ADGRB3: variants seen among roughly 807,000 people sequenced by gnomAD.
ADGRB3 encodes the protein adhesion G protein-coupled receptor B3.
A neutral mutation model predicts 193.4 loss-of-function variants in ADGRB3; 37 were observed. The observed-to-expected ratio is 0.19, with a 90% CI of 0.15 to 0.25. The LOEUF is 0.25. ADGRB3 is among the 10% of genes least tolerant of loss of function. The probability of loss-of-function intolerance (pLI) is 1.00; values close to 1 mark genes in which losing one functional copy is unlikely to be tolerated. For missense variants in ADGRB3, 1,637 were observed against 1,852.9 expected (o/e 0.88, Z 2.14); for synonymous variants, 690 against 644.2 (o/e 1.07, Z -1.08).
rs955335766 is a variant in ADGRB3, at chr6:68,834,809, G to A, written c.758-95750G>A. 9.9e-5 allele frequency among the ~76,000 whole-genome samples: 15 copies of A among 152,232 alleles called. 1 individual carries two copies. The highest frequency in any genetic ancestry group is 9.8e-4 in the Admixed American group (15 of 15,278). Reference sequence around the variant, plus strand: ...AGTACGAGGATCATGACTGAATTCAGCAGGACATGTGAATATACTGTTTAT... The same window carrying A: ...AGTACGAGGATCATGACTGAATTCAACAGGACATGTGAATATACTGTTTAT... On this transcript the variant is annotated intron_variant, in intron 3 of 31. Coordinates refer to ENST00000370598, the MANE Select transcript of ADGRB3 (RefSeq NM_001704.3).
chr6:69,111,173 A>T (rs1253098876), intron 17 of ADGRB3, among the ~76,000 whole-genome samples: 1 of 152,168 alleles, frequency 6.6e-6, no homozygotes. Context: ...TAGATTTTGG[A>T]TACAAAGCTT....
chr6:68,705,433 G>A (rs191812342), intron 3 of ADGRB3, among the ~76,000 whole-genome samples: 1 of 152,276 alleles, frequency 6.6e-6, no homozygotes, highest in East Asian at 1.9e-4. Context: ...GGTCTTGAAA[G>A]GGAGATAACG....
At chr6:69,088,739 A>C (rs1484169128) in intron 17 of ADGRB3, among the ~76,000 whole-genome samples, 1 of 152,226 alleles carries the variant, frequency 6.6e-6, no homozygotes, top group Admixed American at 6.5e-5. Flanking sequence ...GAGAGAAAAA[A>C]GTTTATTTTG....
chr6:68,827,046 G>A (rs572362598), intron 3 of ADGRB3, among the ~76,000 whole-genome samples: 44 of 152,222 alleles, frequency 2.9e-4, no homozygotes, highest in East Asian at 7.7e-4. Flanking sequence ...TATTTTAAGA[G>A]TTGACACCTG....
intron 3 of ADGRB3, among the ~76,000 whole-genome samples, chr6:68,700,505 T>C (rs867029543): frequency 4.6e-5 from 7 of 152,138 alleles, no homozygotes; most frequent in Middle Eastern, 3.2e-3. Flanking sequence ...CTCTAACTTC[T>C]GCCATTAAAA....
At chr6:69,326,794 G>A (rs1314154132) in intron 21 of ADGRB3, among the ~76,000 whole-genome samples, 1 of 151,638 alleles carries the variant, frequency 6.6e-6, no homozygotes, top group Non-Finnish European at 1.5e-5. Context: ...AGGAGAAGGA[G>A]GGACAAGAAG....
chr6:69,003,774 C>G (rs1769655009), intron 11 of ADGRB3, among the ~76,000 whole-genome samples: 3 of 152,070 alleles, frequency 2.0e-5, no homozygotes, highest in African/African-American at 7.2e-5. Context: ...GCTTCACAAC[C>G]CAACATGGTT....
At chr6:68,824,594 A>G (rs1270028442) in intron 3 of ADGRB3, among the ~76,000 whole-genome samples, 1 of 148,300 alleles carries the variant, frequency 6.7e-6, no homozygotes, top group Non-Finnish European at 1.5e-5. Flanking sequence ...ACATATGTAT[A>G]ATCATGCAAT....
chr6:69,149,610 G>A (rs1163725267), intron 17 of ADGRB3, among the ~76,000 whole-genome samples: 1 of 151,962 alleles, frequency 6.6e-6, no homozygotes, highest in African/African-American at 2.4e-5. Context: ...TGAATGTTTT[G>A]TCAGTGTCTG....
At chr6:68,735,171 A>T (rs184287226) in intron 3 of ADGRB3, among the ~76,000 whole-genome samples, 10 of 152,148 alleles carry the variant, frequency 6.6e-5, no homozygotes, top group African/African-American at 2.4e-4. Context: ...GGAGTCAATG[A>T]CATAAGCATG....
chr6:68,708,727 CT>C (rs1765364867), intron 3 of ADGRB3, among the ~76,000 whole-genome samples: 1 of 152,142 alleles, frequency 6.6e-6, no homozygotes, highest in Non-Finnish European at 1.5e-5. Flanking sequence ...AAATATCTTA[CT>C]GTTGATCCAT....
chr6:68,914,119 G>T (rs1357639083), intron 3 of ADGRB3, among the ~76,000 whole-genome samples: 1 of 151,896 alleles, frequency 6.6e-6, no homozygotes, highest in African/African-American at 2.4e-5. Flanking sequence ...AAAACACTCT[G>T]CAGGATATTA....
chr6:69,245,363 A>C (rs1018030691), intron 20 of ADGRB3, among the ~76,000 whole-genome samples: 1 of 152,144 alleles, frequency 6.6e-6, no homozygotes, highest in Non-Finnish European at 1.5e-5. Context: ...GCTCAGACAC[A>C]AGCATTGAAG....
chr6:68,861,913 C>T (rs1369992881), intron 3 of ADGRB3, among the ~76,000 whole-genome samples: 1 of 152,126 alleles, frequency 6.6e-6, no homozygotes, highest in Non-Finnish European at 1.5e-5. Flanking sequence ...GTGCTTAGAA[C>T]AGTGTCTGAC....
At chr6:69,126,086 T>C (rs1773841086) in intron 17 of ADGRB3, among the ~76,000 whole-genome samples, 1 of 152,200 alleles carries the variant, frequency 6.6e-6, no homozygotes, top group African/African-American at 2.4e-5. Flanking sequence ...TTTCTGAATA[T>C]GGACTAGTTA....
chr6:69,169,006 C>T (rs1418608621), intron 17 of ADGRB3, among the ~76,000 whole-genome samples: 1 of 151,590 alleles, frequency 6.6e-6, no homozygotes, highest in East Asian at 1.9e-4. Flanking sequence ...AGGGATTTAC[C>T]TTCACTTTCA....
chr6:68,737,085 A>C (rs1375353118), intron 3 of ADGRB3, among the ~76,000 whole-genome samples: 1 of 152,140 alleles, frequency 6.6e-6, no homozygotes, highest in African/African-American at 2.4e-5. Context: ...GGTCATTTTT[A>C]GTAATGTTCC....
In ADGRB3 at chr6:69,389,006, G is replaced by T; in HGVS notation, c.*115G>T. On this transcript the variant is annotated 3_prime_UTR_variant, in exon 32 of 32. Transcript: ENST00000370598. ...GACTATCTTATGTCAGGACCTTCAT[G>T]TGCCAAACGTCAGTGGTGTTTTCAT... The T allele has an allele frequency of 9.6e-7, 1 of 1,046,126 alleles. No homozygotes were observed. Among genetic ancestry groups the T allele is most frequent in the Non-Finnish European group, 1.4e-6 (1 of 738,462 alleles). 64.8% of individuals were successfully genotyped at this position (1,046,126 alleles called of 1,614,324 possible). A position where few individuals can be genotyped will look rare whatever the true frequency, so the allele number is the denominator to read the frequency against.
chr6:69,004,776 C>T (rs1769696683), intron 11 of ADGRB3, among the ~76,000 whole-genome samples: 1 of 152,110 alleles, frequency 6.6e-6, no homozygotes, highest in Admixed American at 6.5e-5. Flanking sequence ...CTACTGGGTA[C>T]TAGGACTTTA....
Sources: allele counts gnomAD v4.1 joint callset (sites outside exome capture counted in the v4.1 genomes callset), GRCh38; gene constraint gnomAD v4.1.1; transcripts MANE v1.5; gene names NCBI Gene and HGNC (gene_info 2026-07-23, HGNC 2026-07-21).